Variants in EDEM3 observed in about 807,000 individuals in gnomAD.
The protein encoded by EDEM3 is ER degradation enhancing alpha-mannosidase like protein 3.
In EDEM3, 60 loss-of-function variants were observed where a neutral mutation model predicts 110.2. The observed-to-expected ratio is 0.54, with a 90% confidence interval of 0.44 to 0.67. The LOEUF (loss-of-function observed/expected upper bound fraction) is 0.67, where lower values mean the gene tolerates loss of function less well. Ranked by LOEUF, EDEM3 falls within the 30% of genes least tolerant of loss-of-function variation. The pLI, the probability that EDEM3 is intolerant of heterozygous loss-of-function variation, is 0.00. For synonymous variants in EDEM3, 352 were observed against 382.9 expected (o/e 0.92, Z 0.94); for missense variants, 996 against 1,121.0 (o/e 0.89, Z 1.59).
At position 184,723,759 on chromosome 1, in the gene EDEM3, AC is replaced by A; in HGVS notation, c.844del (p.Val282TyrfsTer19). 6.3e-7 allele frequency: 1 copy of A among 1,596,874 alleles called. No individual in the cohort carries two copies. Among genetic ancestry groups the A allele is most frequent in the Non-Finnish European group, 8.5e-7 (1 of 1,174,070 alleles). On this transcript the variant is annotated frameshift_variant, in exon 8 of 20. Coordinates refer to ENST00000318130, the MANE Select transcript of EDEM3 (RefSeq NM_025191.4). LOFTEE classifies it high-confidence loss of function. The stretch of plus-strand genomic sequence containing the variant: ...AAGCCTAACTTACATACCTTTTCGT[AC>A]CCAATCTCCAGTATGAATATTTATA... ...VTINIHTGDW[V>X]RKDSGVGAGI... is the part of the protein sequence containing the mutation.
At chr1:184,727,917 G>GA (rs1651278476) in intron 6 of EDEM3, among the ~76,000 whole-genome samples, 1 of 152,066 alleles carries the variant, frequency 6.6e-6, no homozygotes, top group Non-Finnish European at 1.5e-5. Context: ...ATTGAAAATT[G>GA]ATACTAAGAA....
chr1:184,700,121 C>T (rs1183792161), intron 19 of EDEM3, among the ~76,000 whole-genome samples: 1 of 151,922 alleles, frequency 6.6e-6, no homozygotes, highest in Non-Finnish European at 1.5e-5. Flanking sequence ...AGCAACATCA[C>T]TTGATAAAAT....
At chr1:184,707,625 T>G (rs115260611) in intron 17 of EDEM3, among the ~76,000 whole-genome samples, 6 of 152,206 alleles carry the variant, frequency 3.9e-5, no homozygotes, top group Non-Finnish European at 5.9e-5. Context: ...TGCAATCAAT[T>G]AGTTAGATAA....
chr1:184,749,681 A>C (rs932929369), intron 1 of EDEM3, 89 bp from the exon 2 acceptor site: 1 of 1,087,308 alleles, frequency 9.2e-7, no homozygotes, highest in East Asian at 2.7e-5. Context: ...ATTCTTCCTC[A>C]TAAAAAATAT....
chr1:184,726,884 T>G (rs1651222924), intron 6 of EDEM3, among the ~76,000 whole-genome samples: 2 of 152,252 alleles, frequency 1.3e-5, no homozygotes, highest in African/African-American at 2.4e-5. Flanking sequence ...GAAAGGAAAT[T>G]AAAATTTCAT....
chr1:184,724,868 T>C (rs1050645795), intron 7 of EDEM3, among the ~76,000 whole-genome samples: 1 of 152,174 alleles, frequency 6.6e-6, no homozygotes. Context: ...AAAAATAATA[T>C]GAGAATTCAG....
At chr1:184,735,049 G>A (rs942182805) in intron 4 of EDEM3, among the ~76,000 whole-genome samples, 1 of 152,114 alleles carries the variant, frequency 6.6e-6, no homozygotes, top group Non-Finnish European at 1.5e-5. Flanking sequence ...TTTCTTCAAG[G>A]CATGTTCAAT....
chr1:184,690,261 T>C lies in EDEM3; in HGVS notation c.*3802A>G, dbSNP rs1177106058. 6 of 152,238 alleles carry C rather than the reference T, an allele frequency of 3.9e-5. No homozygotes were observed. Among genetic ancestry groups the C allele is most frequent in the Non-Finnish European group, 7.3e-5 (5 of 68,028 alleles). 9.4% of individuals were successfully genotyped at this position (152,238 alleles called of 1,614,324 possible). ...ATTTATACACAATTCTAGAGTTTTA[T>C]TCACTTAGCATTACCTTTGTGCATG... On this transcript the variant is annotated 3_prime_UTR_variant, in exon 20 of 20. Transcript: ENST00000318130.
Position 184,753,865 on chromosome 1 carries a change from G to A in EDEM3, c.158+624C>T, listed in dbSNP as rs1339327026. Among the ~76,000 whole-genome samples the A allele has an allele frequency of 3.3e-5, 5 of 152,244 alleles. No individual in the cohort carries two copies. In the East Asian group the frequency reaches 9.7e-4, roughly 29 times the overall value. On this transcript the variant is annotated intron_variant, in intron 1 of 19. Coordinates refer to ENST00000318130, the MANE Select transcript of EDEM3 (RefSeq NM_025191.4). Reference sequence around the variant, plus strand: ...TATGTATTACTCTGAATTAAATGGTGTAAATAGAATTGATAATTTTAACAC... The same window carrying A: ...TATGTATTACTCTGAATTAAATGGTATAAATAGAATTGATAATTTTAACAC...
chr1:184,697,586 G>T (rs1040026841), intron 19 of EDEM3, among the ~76,000 whole-genome samples: 8 of 151,742 alleles, frequency 5.3e-5, no homozygotes, highest in African/African-American at 1.9e-4. Context: ...TAGCAAAGAT[G>T]GTAGTTTAAC....
chr1:184,691,972 T>G lies in EDEM3; in HGVS notation c.*2091A>C, dbSNP rs1041355300. ...TTCCAATGTGTCACACAATCCTTCA[T>G]GCCATTAAGTTCTCCTTGTTGGAAA... On this transcript the variant is annotated 3_prime_UTR_variant, in exon 20 of 20. Transcript: ENST00000318130. The G allele has an allele frequency of 4.6e-5, 7 of 152,154 alleles. No homozygotes were observed. In the East Asian group the frequency reaches 1.3e-3, roughly 29 times the overall value. 9.4% of individuals were successfully genotyped at this position (152,154 alleles called of 1,614,324 possible). A position where few individuals can be genotyped will look rare whatever the true frequency, so the allele number is the denominator to read the frequency against.
At chr1:184,742,539 C>T (rs892039362) in intron 2 of EDEM3, among the ~76,000 whole-genome samples, 4 of 152,020 alleles carry the variant, frequency 2.6e-5, no homozygotes, top group Admixed American at 6.6e-5. Context: ...TACAGGTGTG[C>T]GCCACCATAC....
rs1047085490 is a variant in EDEM3 at position 184,694,564 on chromosome 1, A to C, written c.2390-92T>G. On this transcript the variant is annotated intron_variant, in intron 19 of 19. Transcript: ENST00000318130. ...CATATTGGTTTTTGCAACAAGATGAAATAAAACGTGAAAGAGACTCATGTT... is the reference window on the plus strand; with the variant it reads ...CATATTGGTTTTTGCAACAAGATGACATAAAACGTGAAAGAGACTCATGTT... 11 of 1,252,282 alleles carry C rather than the reference A, an allele frequency of 8.8e-6. No individual in the cohort carries two copies. In the East Asian group the frequency reaches 2.8e-4, roughly 31 times the overall value. The allele number at this position is 1,252,282 out of a possible 1,614,324, so 77.6% of individuals were successfully genotyped here.
intron 2 of EDEM3, among the ~76,000 whole-genome samples, chr1:184,748,290 T>C (rs1484604977): frequency 6.6e-6 from 1 of 151,588 alleles, no homozygotes; most frequent in Non-Finnish European, 1.5e-5. Context: ...CTACCAAAAA[T>C]ACAAAAATTA....
intron 1 of EDEM3, among the ~76,000 whole-genome samples, chr1:184,752,915 C>T (rs1030046869): frequency 2.6e-5 from 4 of 152,088 alleles, no homozygotes; most frequent in African/African-American, 7.2e-5. Context: ...ACAGAGATAA[C>T]ATATGTAAAG....
At position 184,745,581 on chromosome 1, in the gene EDEM3, A is replaced by AT. The variant is rs568536647; in HGVS notation, c.204+3965dup. ...TTATGTATATTTTACAACAATAAAA[A>AT]TTTTTTTTAAACATTGGGGGGTAGG... On this transcript the variant is annotated intron_variant, in intron 2 of 19. Coordinates refer to ENST00000318130, the MANE Select transcript of EDEM3 (RefSeq NM_025191.4). 1.3e-3 allele frequency among the ~76,000 whole-genome samples: 200 copies of AT among 152,170 alleles called. 1 individual carries two copies. Among genetic ancestry groups the AT allele is most frequent in the Non-Finnish European group, 2.2e-3 (149 of 67,952 alleles).
rs766116854 is a variant in EDEM3, at chr1:184,694,152, C to T, written c.2710G>A (p.Gly904Ser). ...EEDSNPNVSW[G>S]KKVQPIDSIL... ...GAGTCTATAGGCTGGACCTTTTTAC[C>T]CCAGCTAACATTAGGATTGGAATCT... The change falls in exon 20 of 20, where the codon GGT becomes AGT. Residue 904 changes from glycine (G) to serine (S), a missense_variant. By Grantham distance (56) the Gly-to-Ser change is moderately conservative. Coordinates refer to ENST00000318130, the MANE Select transcript of EDEM3 (RefSeq NM_025191.4). 6.2e-7 allele frequency: 1 copy of T among 1,613,282 alleles called. No homozygotes were observed. Among genetic ancestry groups the T allele is most frequent in the Admixed American group, 1.7e-5 (1 of 59,860 alleles).
Position 184,691,414 on chromosome 1 carries a change from A to G in EDEM3, c.*2649T>C, listed in dbSNP as rs1649058294. 1 of 152,524 alleles carries G rather than the reference A, an allele frequency of 6.6e-6. No individual in the cohort carries two copies. Among genetic ancestry groups the G allele is most frequent in the Admixed American group, 6.5e-5 (1 of 15,272 alleles). The allele number at this position is 152,524 out of a possible 1,614,324, so 9.4% of individuals were successfully genotyped here. A position where few individuals can be genotyped will look rare whatever the true frequency, so the allele number is the denominator to read the frequency against. On this transcript the variant is annotated 3_prime_UTR_variant, in exon 20 of 20. Coordinates refer to ENST00000318130, the MANE Select transcript of EDEM3 (RefSeq NM_025191.4). ...TAATATCTCTTAAAGGATTTCAGCT[A>G]AAATCCTTGATTCCAGATTTGTAAA... is the stretch of plus-strand genomic sequence containing the variant.
chr1:184,723,856 C>T lies in EDEM3; in HGVS notation c.748G>A (p.Glu250Lys). 2.1e-6 allele frequency: 3 copies of T among 1,422,898 alleles called. No individual in the cohort carries two copies. Among genetic ancestry groups the T allele is most frequent in the Admixed American group, 2.8e-5 (1 of 35,878 alleles). 88.1% of individuals were successfully genotyped at this position (1,422,898 alleles called of 1,614,324 possible). The change falls in exon 8 of 20, where the codon GAA (glutamate) becomes AAA (lysine). Residue 250 changes from glutamate to lysine, a missense_variant and splice_region_variant. Glu to Lys is a moderately conservative substitution (Grantham distance 56). This residue lies in a region of EDEM3 where 310 missense variants were observed against 394.6 expected (regional missense o/e 0.79). Coordinates refer to ENST00000318130, the MANE Select transcript of EDEM3 (RefSeq NM_025191.4). ...SRFTGATIFE[E>K]YARKALDFLW... The stretch of plus-strand genomic sequence containing the variant: ...AAATCAAGAGCTTTTCTGGCATATT[C>T]CTGTAATTTAAAAAAAAAAAAAAAA...
Sources: allele counts gnomAD v4.1 joint callset (sites outside exome capture counted in the v4.1 genomes callset), GRCh38; gene constraint gnomAD v4.1.1; regional missense constraint gnomAD v4.1.1; transcripts MANE v1.5; gene names NCBI Gene and HGNC (gene_info 2026-07-23, HGNC 2026-07-21).